Variants in TRIO observed in about 807,000 individuals in gnomAD.
TRIO encodes triple functional domain protein.
In TRIO, 58 loss-of-function variants were observed where a neutral mutation model predicts 351.9. That is an observed-to-expected ratio of 0.16 (90% confidence interval 0.13 to 0.21). The LOEUF (loss-of-function observed/expected upper bound fraction) is 0.21. Ranked by LOEUF, TRIO falls within the 10% of genes least tolerant of loss-of-function variation. The pLI, the probability that TRIO is intolerant of heterozygous loss-of-function variation, is 1.00. For missense variants in TRIO, 3,201 were observed against 4,027.8 expected (o/e 0.79, Z 5.56); for synonymous variants, 1,758 against 1,595.7 (o/e 1.10, Z -2.42).
At chr5:14,354,270 G>C (rs1048021902) in intron 11 of TRIO, among the ~76,000 whole-genome samples, 11 of 152,230 alleles carry the variant, frequency 7.2e-5, no homozygotes, top group African/African-American at 2.7e-4. Flanking sequence ...ATTTTGTTCT[G>C]TTTTGCTGAT....
chr5:14,501,079 GAAAA>G (rs548275270), intron 53 of TRIO, among the ~76,000 whole-genome samples: 3 of 135,006 alleles, frequency 2.2e-5, no homozygotes, highest in African/African-American at 5.5e-5. Context: ...TTAAAAAAAA[GAAAA>G]AAAAAACACC....
chr5:14,391,005 C>G lies in TRIO; in HGVS notation c.4218+15C>G, dbSNP rs1747034701. On this transcript the variant is annotated intron_variant, in intron 27 of 56. Transcript: ENST00000344204. ...CCTATTTTGACGTAAGTAATAGATT[C>G]CTAAAGAGACCATAATTTTCCAAGT... The G allele has an allele frequency of 6.4e-7, 1 of 1,568,920 alleles. No homozygotes were observed. The highest frequency in any genetic ancestry group is 8.6e-7 in the Non-Finnish European group (1 of 1,161,844).
chr5:14,454,283 C>T (rs759054724), intron 34 of TRIO, among the ~76,000 whole-genome samples: 22 of 152,234 alleles, frequency 1.4e-4, no homozygotes, highest in Admixed American at 3.3e-4. Context: ...GCCCCCACCC[C>T]GACACTGCTT....
At chr5:14,309,024 C>G (rs1339792385) in intron 8 of TRIO, among the ~76,000 whole-genome samples, 3 of 152,046 alleles carry the variant, frequency 2.0e-5, no homozygotes, top group Non-Finnish European at 4.4e-5. Flanking sequence ...CACGCAGTCA[C>G]CCAGCCACTC....
chr5:14,503,112 G>A (rs1317171950), intron 54 of TRIO, among the ~76,000 whole-genome samples: 1 of 152,236 alleles, frequency 6.6e-6, no homozygotes, highest in Admixed American at 6.5e-5. Flanking sequence ...TTCATGAGGG[G>A]CAGCCGAGTC....
intron 34 of TRIO, among the ~76,000 whole-genome samples, chr5:14,434,200 T>G (rs556573032): frequency 1.3e-5 from 2 of 152,344 alleles, no homozygotes; most frequent in South Asian, 4.1e-4. Flanking sequence ...GCTTTTCAAC[T>G]AATCTAAATA....
rs62345860 is a variant in TRIO at position 14,479,214 on chromosome 5, G to A, written c.6154-47G>A. 31,098 of 1,516,680 alleles carry A rather than the reference G, an allele frequency of 0.021. 389 individuals are homozygous for A. Among genetic ancestry groups the A allele is most frequent in the Non-Finnish European group, 0.024 (26,299 of 1,092,784 alleles). 94.0% of individuals were successfully genotyped at this position (1,516,680 alleles called of 1,614,324 possible). On this transcript the variant is annotated intron_variant, in intron 41 of 56. Transcript: ENST00000344204. The stretch of plus-strand genomic sequence containing the variant: ...GTGCGGGTACTCGTGTATTCTAATC[G>A]AATTTCCCATTGTTATAACCCAACT...
At chr5:14,388,282 G>T (rs1746724206) in intron 23 of TRIO, among the ~76,000 whole-genome samples, 2 of 152,168 alleles carry the variant, frequency 1.3e-5, no homozygotes, top group South Asian at 2.1e-4. Flanking sequence ...TGGGGAGGGG[G>T]AGGGAGTGCT....
chr5:14,144,689 C>A lies in TRIO; in HGVS notation c.157+807C>A, dbSNP rs912594863. 1.4e-3 allele frequency among the ~76,000 whole-genome samples: 218 copies of A among 152,058 alleles called. 2 individuals carry two copies. Among genetic ancestry groups the A allele is most frequent in the African/African-American group, 5.1e-3 (210 of 41,506 alleles). The stretch of plus-strand genomic sequence containing the variant: ...TCCACCCCGGCGCAGAGGGGGTGGC[C>A]GCGGGAGAGGCGCGGGTGGCGACCG... On this transcript the variant is annotated intron_variant, in intron 1 of 56. Coordinates refer to ENST00000344204, the MANE Select transcript of TRIO (RefSeq NM_007118.4).
intron 5 of TRIO, 65 bp downstream of exon 5, chr5:14,291,293 G>A: frequency 1.3e-6 from 2 of 1,535,162 alleles, no homozygotes; most frequent in African/African-American, 1.4e-5. Flanking sequence ...GGGTTCGGGT[G>A]GAAGGAAAGA....
chr5:14,348,564 GT>G (rs1742658213), intron 11 of TRIO, among the ~76,000 whole-genome samples: 1 of 152,208 alleles, frequency 6.6e-6, no homozygotes, highest in Admixed American at 6.5e-5. Flanking sequence ...ACATCAGCAT[GT>G]TTTTCCTGCG....
chr5:14,324,910 CTATG>C (rs1035116472), intron 9 of TRIO, among the ~76,000 whole-genome samples: 5 of 152,150 alleles, frequency 3.3e-5, no homozygotes, highest in South Asian at 2.1e-4. Flanking sequence ...TCAGTAAAGA[CTATG>C]TAAGTACCCT....
At chr5:14,160,184 A>G (rs1379673917) in intron 1 of TRIO, among the ~76,000 whole-genome samples, 6 of 152,206 alleles carry the variant, frequency 3.9e-5, no homozygotes, top group Non-Finnish European at 7.3e-5. Flanking sequence ...CGCCAGTTAT[A>G]TACATTAAGA....
chr5:14,369,472 C>T lies in TRIO; in HGVS notation c.3165C>T (p.His1055=), dbSNP rs566882830. Residue 1055 remains histidine (H), a synonymous_variant, in exon 18 of 57, where the codon CAC becomes CAT. Coordinates refer to ENST00000344204, the MANE Select transcript of TRIO (RefSeq NM_007118.4). Reference sequence around the variant, plus strand: ...TGGGCCCAAACTCTGAGACGGACCACGTGACGCCCATGATCAGCAAGCACC... The same window carrying T: ...TGGGCCCAAACTCTGAGACGGACCATGTGACGCCCATGATCAGCAAGCACC... ...DKLGPNSETD[H]VTPMISKHLE... is the part of the protein sequence containing the mutation. The T allele has an allele frequency of 2.5e-5, 41 of 1,614,084 alleles. No homozygotes were observed. The highest frequency in any genetic ancestry group is 8.0e-5 in the African/African-American group (6 of 75,044).
Position 14,465,651 on chromosome 5 carries a change from C to T in TRIO, c.5763+11C>T, listed in dbSNP as rs760275413. ...GTGAAAAGCAAGATGGTGAGGCCTCCCAGAGAAAGTCTGACTTTTGGAAGC... is the reference window on the plus strand; with the variant it reads ...GTGAAAAGCAAGATGGTGAGGCCTCTCAGAGAAAGTCTGACTTTTGGAAGC... On this transcript the variant is annotated intron_variant, in intron 37 of 56. Transcript: ENST00000344204. 8.1e-6 allele frequency: 13 copies of T among 1,613,990 alleles called. No homozygotes were observed. The highest frequency in any genetic ancestry group is 1.7e-5 in the Admixed American group (1 of 60,010).
intron 1 of TRIO, among the ~76,000 whole-genome samples, chr5:14,170,651 C>T (rs149116612): frequency 2.6e-5 from 4 of 152,050 alleles, no homozygotes; most frequent in African/African-American, 4.8e-5. Context: ...GGATTACAGG[C>T]GTGCTCCACC....
chr5:14,426,050 G>A (rs956304586), intron 34 of TRIO, among the ~76,000 whole-genome samples: 4 of 152,112 alleles, frequency 2.6e-5, no homozygotes, highest in Middle Eastern at 3.4e-3. Flanking sequence ...CATTTCTACC[G>A]TTACTCTTAT....
At chr5:14,151,412 G>C (rs1787827348) in intron 1 of TRIO, among the ~76,000 whole-genome samples, 1 of 151,150 alleles carries the variant, frequency 6.6e-6, no homozygotes, top group Non-Finnish European at 1.5e-5. Flanking sequence ...GTGTGTGTAT[G>C]TATGTATGTA....
At chr5:14,184,244 G>A (rs908209823) in intron 1 of TRIO, among the ~76,000 whole-genome samples, 2 of 152,102 alleles carry the variant, frequency 1.3e-5, no homozygotes, top group African/African-American at 2.4e-5. Flanking sequence ...CAGCAGTTCT[G>A]TTTTGAGAGC....
Sources: gnomAD v4.1 joint callset for allele counts (sites outside exome capture counted in the v4.1 genomes callset) on GRCh38, gnomAD v4.1.1 for gene constraint, MANE v1.5 for transcripts, NCBI Gene and HGNC (gene_info 2026-07-23, HGNC 2026-07-21) for gene names.